Variants in ALK observed in about 807,000 individuals in gnomAD.
ALK encodes ALK receptor tyrosine kinase.
A neutral mutation model predicts 163.1 loss-of-function variants in ALK; 74 were observed. The ratio of observed to expected loss-of-function variants is 0.45; its 90% confidence interval spans 0.38 to 0.55. The LOEUF (loss-of-function observed/expected upper bound fraction) is 0.55. ALK is among the 20% of genes least tolerant of loss of function. ALK has a pLI of 0.00. For missense variants in ALK, 2,063 were observed against 2,105.3 expected, an observed-to-expected ratio of 0.98 and a Z score of 0.39; for synonymous variants, 960 against 843.2, an observed-to-expected ratio of 1.14 and a Z score of -2.40.
At chr2:29,313,355 A>C (rs1430324538) in intron 8 of ALK, among the ~76,000 whole-genome samples, 3 of 152,062 alleles carry the variant, frequency 2.0e-5, no homozygotes, top group Non-Finnish European at 4.4e-5. Context: ...CAATGAACAA[A>C]CTCCATTTGA....
chr2:29,208,103 G>C (rs1449343880), intron 25 of ALK: 1 of 452,252 alleles, frequency 2.2e-6, no homozygotes, highest in Admixed American at 2.4e-5. Context: ...ATATTGTTTA[G>C]TGGAAGAAAT....
chr2:29,591,761 C>T lies in ALK; in HGVS notation c.953-59645G>A, dbSNP rs576677336. On this transcript the variant is annotated intron_variant, in intron 3 of 28. Coordinates refer to ENST00000389048, the MANE Select transcript of ALK (RefSeq NM_004304.5). ...AGAAAGTTTTTACAAAAATAATCAA[C>T]GTATGAAGTCCTGGTCACGTAGATT... Among the ~76,000 whole-genome samples the T allele has an allele frequency of 5.9e-5, 9 of 151,510 alleles. No individual in the cohort carries two copies. In the South Asian group the frequency reaches 1.3e-3, roughly 21 times the overall value.
chr2:29,849,523 C>T (rs1341805332), intron 1 of ALK, among the ~76,000 whole-genome samples: 1 of 152,180 alleles, frequency 6.6e-6, no homozygotes, highest in African/African-American at 2.4e-5. Flanking sequence ...ATGTCACACC[C>T]CACTGTATTC....
At chr2:29,670,053 C>A (rs1046332793) in intron 3 of ALK, among the ~76,000 whole-genome samples, 2 of 151,980 alleles carry the variant, frequency 1.3e-5, no homozygotes, top group African/African-American at 4.8e-5. Flanking sequence ...GAATTGCACG[C>A]CATAATTACA....
At chr2:29,529,340 T>C (rs960918477) in intron 4 of ALK, among the ~76,000 whole-genome samples, 1 of 152,208 alleles carries the variant, frequency 6.6e-6, no homozygotes, top group Non-Finnish European at 1.5e-5. Context: ...TCTCCTGTTA[T>C]GAGAGGAAGC....
intron 3 of ALK, among the ~76,000 whole-genome samples, chr2:29,617,942 T>C (rs563344520): frequency 6.6e-6 from 1 of 152,194 alleles, no homozygotes; most frequent in South Asian, 2.1e-4. Flanking sequence ...GTGATGACTC[T>C]TCTAGCACCA....
At chr2:29,294,648 TC>T (rs1396810288) in intron 9 of ALK, among the ~76,000 whole-genome samples, 1 of 152,212 alleles carries the variant, frequency 6.6e-6, no homozygotes, top group Non-Finnish European at 1.5e-5. Flanking sequence ...GAAAATAAAA[TC>T]TATTAATACT....
chr2:29,439,794 G>A (rs1004667363), intron 4 of ALK, among the ~76,000 whole-genome samples: 1 of 152,100 alleles, frequency 6.6e-6, no homozygotes, highest in South Asian at 2.1e-4. Context: ...AAGACTGACG[G>A]CCACCACCAG....
chr2:29,474,725 A>G (rs946691099), intron 4 of ALK, among the ~76,000 whole-genome samples: 4 of 152,254 alleles, frequency 2.6e-5, no homozygotes, highest in African/African-American at 9.6e-5. Context: ...GAACTGCAGT[A>G]CAGAAACGTA....
At chr2:29,380,848 C>A (rs753240471) in intron 5 of ALK, among the ~76,000 whole-genome samples, 4 of 152,204 alleles carry the variant, frequency 2.6e-5, no homozygotes, top group Non-Finnish European at 4.4e-5. Context: ...TCCTCCAACA[C>A]TGAGGATTAT....
intron 19 of ALK, chr2:29,223,987 G>A (rs1032484274): frequency 6.6e-6 from 2 of 304,208 alleles, no homozygotes; most frequent in African/African-American, 2.1e-5. Flanking sequence ...TGGGTGCCAT[G>A]GAGCCTAAGG....
chr2:29,363,060 T>C (rs767568320), intron 5 of ALK, among the ~76,000 whole-genome samples: 10 of 152,174 alleles, frequency 6.6e-5, no homozygotes, highest in Non-Finnish European at 1.5e-4. Flanking sequence ...GCTTTTCCCT[T>C]TCCATTTTCC....
intron 1 of ALK, among the ~76,000 whole-genome samples, chr2:29,877,479 T>C (rs1666753112): frequency 6.6e-6 from 1 of 152,226 alleles, no homozygotes; most frequent in African/African-American, 2.4e-5. Flanking sequence ...CTCTGGAATA[T>C]AAACACCATG....
intron 4 of ALK, among the ~76,000 whole-genome samples, chr2:29,486,722 TTC>T (rs1671783617): frequency 1.3e-5 from 2 of 152,240 alleles, no homozygotes; most frequent in Admixed American, 1.3e-4. Flanking sequence ...TGTTTTGTCT[TTC>T]TCTTTGAATA....
intron 3 of ALK, among the ~76,000 whole-genome samples, chr2:29,573,720 C>A (rs1308966028): frequency 6.6e-6 from 1 of 152,074 alleles, no homozygotes; most frequent in African/African-American, 2.4e-5. Flanking sequence ...AGGCCTTTTA[C>A]AAAAACAGCC....
At chr2:29,341,744 G>A (rs1188395068) in intron 5 of ALK, among the ~76,000 whole-genome samples, 2 of 152,214 alleles carry the variant, frequency 1.3e-5, no homozygotes, top group Admixed American at 6.5e-5. Flanking sequence ...GGTGTCCTTG[G>A]AGGAAATGTA....
intron 4 of ALK, among the ~76,000 whole-genome samples, chr2:29,529,979 G>T (rs1673075325): frequency 6.6e-6 from 1 of 152,152 alleles, no homozygotes; most frequent in Non-Finnish European, 1.5e-5. Context: ...ATCATGTGGA[G>T]GGAAGGCTGC....
At chr2:29,450,728 G>A (rs1670799073) in intron 4 of ALK, among the ~76,000 whole-genome samples, 1 of 152,168 alleles carries the variant, frequency 6.6e-6, no homozygotes, top group South Asian at 2.1e-4. Flanking sequence ...CAATTTTCAT[G>A]TTTGCAGGAC....
rs78271145 is a variant in ALK at position 29,240,765 on chromosome 2, T to A, written c.2205-935A>T. 8.5e-3 allele frequency among the ~76,000 whole-genome samples: 1,292 copies of A among 152,296 alleles called. 9 individuals are homozygous for A. The highest frequency in any genetic ancestry group is 0.014 in the Non-Finnish European group (982 of 68,032). On this transcript the variant is annotated intron_variant, in intron 12 of 28. Coordinates refer to ENST00000389048, the MANE Select transcript of ALK (RefSeq NM_004304.5). Reference sequence around the variant, plus strand: ...TCTGAACCATATCAGAAGAGCGGCATGTCTTGAAGACAGCTAACGCACCAG... The same window carrying A: ...TCTGAACCATATCAGAAGAGCGGCAAGTCTTGAAGACAGCTAACGCACCAG...
Sources: allele counts gnomAD v4.1 joint callset (sites outside exome capture counted in the v4.1 genomes callset), GRCh38; gene constraint gnomAD v4.1.1; transcripts MANE v1.5; gene names NCBI Gene and HGNC (gene_info 2026-07-23, HGNC 2026-07-21).